Variants in ADD3 observed in about 807,000 individuals in gnomAD.
The protein encoded by ADD3 is gamma-adducin.
Under a neutral mutation model 80.2 loss-of-function variants are expected in ADD3, and 25 were observed. The observed-to-expected ratio is 0.31, with a 90% CI of 0.23 to 0.44. The LOEUF (loss-of-function observed/expected upper bound fraction) is 0.44. ADD3 is among the 20% of genes least tolerant of loss of function. The probability of loss-of-function intolerance (pLI) is 1.00; values close to 1 mark genes in which losing one functional copy is unlikely to be tolerated. For synonymous variants in ADD3, 284 were observed against 289.6 expected, an observed-to-expected ratio of 0.98 and a Z score of 0.20; for missense variants, 829 against 847.5, an observed-to-expected ratio of 0.98 and a Z score of 0.27.
intron 1 of ADD3, among the ~76,000 whole-genome samples, chr10:110,050,206 A>G (rs12249240): frequency 0.13 from 19,015 of 152,106 alleles, 3,806 homozygotes; most frequent in African/African-American, 0.42. Context: ...GAGGGTCCAG[A>G]GGTGGAATGA....
chr10:110,063,734 T>TCAA (rs1843489648), intron 1 of ADD3, among the ~76,000 whole-genome samples: 1 of 93,592 alleles, frequency 1.1e-5, no homozygotes, highest in African/African-American at 4.4e-5. Flanking sequence ...ATATATATAT[T>TCAA]CATTATATAT....
At chr10:110,039,829 A>G (rs1856080044) in intron 1 of ADD3, among the ~76,000 whole-genome samples, 2 of 152,186 alleles carry the variant, frequency 1.3e-5, no homozygotes, top group African/African-American at 2.4e-5. Flanking sequence ...GTTGTTAGCA[A>G]TGCCATAGTT....
At chr10:110,069,552 T>A (rs1844412691) in intron 1 of ADD3, among the ~76,000 whole-genome samples, 1 of 152,148 alleles carries the variant, frequency 6.6e-6, no homozygotes, top group Non-Finnish European at 1.5e-5. Context: ...TGTGTTTTTT[T>A]TTTCCCCTTC....
chr10:110,019,357 C>CTTTTT (rs11392689), intron 1 of ADD3, among the ~76,000 whole-genome samples: 1 of 138,284 alleles, frequency 7.2e-6, no homozygotes, highest in African/African-American at 2.7e-5. Context: ...TTTCTGTTTG[C>CTTTTT]TTTTTTTTTT....
chr10:110,055,121 TA>T (rs1272064177), intron 1 of ADD3, among the ~76,000 whole-genome samples: 3 of 152,226 alleles, frequency 2.0e-5, no homozygotes, highest in Admixed American at 1.3e-4. Flanking sequence ...TGCCCAATAA[TA>T]TTAGCTGTTT....
upstream of ADD3, among the ~76,000 whole-genome samples, chr10:110,007,116 A>G (rs1851700537): frequency 6.6e-6 from 1 of 152,140 alleles, no homozygotes. Flanking sequence ...ACAGCCCTGC[A>G]ATTGCGTGTT....
chr10:110,009,062 G>A (rs1255550664), intron 1 of ADD3, among the ~76,000 whole-genome samples: 1 of 152,184 alleles, frequency 6.6e-6, no homozygotes, highest in Non-Finnish European at 1.5e-5. Context: ...AACGGCTTCA[G>A]GTGAACTTTT....
Position 110,119,459 on chromosome 10 carries a change from A to G in ADD3, c.862-7A>G, listed in dbSNP as rs751121786. The G allele has an allele frequency of 3.1e-6, 5 of 1,613,802 alleles. No individual in the cohort carries two copies. The highest frequency in any genetic ancestry group is 1.1e-5 in the South Asian group (1 of 91,044). On this transcript the variant is annotated splice_region_variant and splice_polypyrimidine_tract_variant and intron_variant, in intron 7 of 14. Transcript: ENST00000356080. ...TTCAAGTGATTGCTGTGGGCATTCT[A>G]TTTTAGGTGCTGGTACTCAGGAATC...
At chr10:110,057,666 A>G (rs1858374281) in intron 1 of ADD3, among the ~76,000 whole-genome samples, 2 of 152,204 alleles carry the variant, frequency 1.3e-5, no homozygotes, top group Admixed American at 6.5e-5. Context: ...GCTCTAGTCA[A>G]TAAAACAAAA....
intron 1 of ADD3, among the ~76,000 whole-genome samples, chr10:110,037,826 G>T (rs1564874486): frequency 6.6e-6 from 1 of 151,844 alleles, no homozygotes; most frequent in Non-Finnish European, 1.5e-5. Flanking sequence ...CAGCACTTTG[G>T]GAGGCTGAGG....
intron 1 of ADD3, among the ~76,000 whole-genome samples, chr10:109,997,737 T>A (rs1002331737): frequency 2.6e-5 from 4 of 152,260 alleles, no homozygotes; most frequent in Non-Finnish European, 5.9e-5. Flanking sequence ...GAAATGTAGT[T>A]TCTAAGGCAA....
chr10:110,117,498 G>A, intron 5 of ADD3, 76 bp downstream of exon 5: 2 of 861,380 alleles, frequency 2.3e-6, no homozygotes, highest in Non-Finnish European at 3.9e-6. Flanking sequence ...TTTTAGCACA[G>A]GACAGAATAA....
At chr10:110,054,291 T>C (rs1291957659) in intron 1 of ADD3, among the ~76,000 whole-genome samples, 1 of 152,136 alleles carries the variant, frequency 6.6e-6, no homozygotes, top group Non-Finnish European at 1.5e-5. Flanking sequence ...TAAATCTGAG[T>C]CTCAAAATAT....
At chr10:110,093,525 A>C (rs1309448832) in intron 1 of ADD3, among the ~76,000 whole-genome samples, 2 of 152,232 alleles carry the variant, frequency 1.3e-5, no homozygotes, top group African/African-American at 4.8e-5. Context: ...TAATTAAGTC[A>C]TAGTGGTCAT....
intron 1 of ADD3, among the ~76,000 whole-genome samples, chr10:110,034,333 A>AT (rs1464571628): frequency 6.6e-6 from 1 of 152,056 alleles, no homozygotes; most frequent in Non-Finnish European, 1.5e-5. Flanking sequence ...ATATTGACAT[A>AT]TATCTTGGGA....
chr10:110,019,975 G>C (rs2058984586), intron 1 of ADD3, among the ~76,000 whole-genome samples: 1 of 152,232 alleles, frequency 6.6e-6, no homozygotes, highest in South Asian at 2.1e-4. Flanking sequence ...GCAAAGGACA[G>C]ATTCTTTCCA....
At chr10:110,047,218 T>C (rs1856999727) in intron 1 of ADD3, among the ~76,000 whole-genome samples, 1 of 152,262 alleles carries the variant, frequency 6.6e-6, no homozygotes, top group Non-Finnish European at 1.5e-5. Flanking sequence ...ATCATTTATA[T>C]GTTTAAAACT....
At chr10:110,019,220 G>C (rs1354276921) in intron 1 of ADD3, among the ~76,000 whole-genome samples, 1 of 151,790 alleles carries the variant, frequency 6.6e-6, no homozygotes, top group Non-Finnish European at 1.5e-5. Context: ...AAATAACATT[G>C]TCCGTTTTCA....
intron 1 of ADD3, among the ~76,000 whole-genome samples, chr10:110,025,986 A>G (rs566020733): frequency 6.6e-6 from 1 of 152,232 alleles, no homozygotes; most frequent in East Asian, 1.9e-4. Context: ...AAAATCTGTA[A>G]TGTGTCAGGA....
Sources: gnomAD v4.1 joint callset for allele counts (sites outside exome capture counted in the v4.1 genomes callset) on GRCh38, gnomAD v4.1.1 for gene constraint, MANE v1.5 for transcripts, NCBI Gene and HGNC (gene_info 2026-07-23, HGNC 2026-07-21) for gene names.